The following CRIM1 variants were observed in gnomAD, a reference collection of about 807,000 sequenced individuals.
CRIM1 encodes cysteine-rich motor neuron 1 protein.
Under a neutral mutation model 116.4 loss-of-function variants are expected in CRIM1, and 32 were observed. That is an observed-to-expected ratio of 0.27 (90% confidence interval 0.21 to 0.37). The LOEUF (loss-of-function observed/expected upper bound fraction) is 0.37, where lower values mean the gene tolerates loss of function less well. Ranked by LOEUF, CRIM1 falls within the 10% of genes least tolerant of loss-of-function variation. CRIM1 has a pLI of 1.00. For synonymous variants in CRIM1, 590 were observed against 509.2 expected (o/e 1.16, Z -2.13); for missense variants, 1,331 against 1,354.8 (o/e 0.98, Z 0.28).
intron 4 of CRIM1, among the ~76,000 whole-genome samples, chr2:36,453,159 G>A (rs544490166): frequency 6.6e-6 from 1 of 152,286 alleles, no homozygotes; most frequent in Admixed American, 6.5e-5. Context: ...CCCCATCATT[G>A]TAGTTGCAAC....
intron 13 of CRIM1, chr2:36,529,011 C>T: frequency 4.9e-6 from 2 of 409,796 alleles, no homozygotes; most frequent in Middle Eastern, 7.2e-4. Context: ...GGAAAAACCC[C>T]TAAGCTGCAT....
At chr2:36,378,391 T>G (rs993941113) in intron 1 of CRIM1, 3 of 471,066 alleles carry the variant, frequency 6.4e-6, no homozygotes, top group Non-Finnish European at 8.8e-6. Context: ...GCTCTCAGCA[T>G]TACTGCTCAT....
chr2:36,368,481 G>T (rs1484311151), intron 1 of CRIM1, among the ~76,000 whole-genome samples: 1 of 152,214 alleles, frequency 6.6e-6, no homozygotes, highest in Non-Finnish European at 1.5e-5. Context: ...TGAACCTGCG[G>T]CTCTAAAACT....
intron 7 of CRIM1, among the ~76,000 whole-genome samples, chr2:36,489,695 T>C (rs372396775): frequency 6.6e-6 from 1 of 152,236 alleles, no homozygotes; most frequent in Non-Finnish European, 1.5e-5. Context: ...CTTCTGTGTC[T>C]TTCAACTTGA....
intron 14 of CRIM1, among the ~76,000 whole-genome samples, chr2:36,541,723 C>CGTGT (rs1666955842): frequency 6.6e-6 from 1 of 152,148 alleles, no homozygotes. Flanking sequence ...CGATTGTGAC[C>CGTGT]GTGTGCCCGT....
chr2:36,486,994 A>G (rs1679869310), intron 7 of CRIM1, among the ~76,000 whole-genome samples: 1 of 152,214 alleles, frequency 6.6e-6, no homozygotes, highest in Non-Finnish European at 1.5e-5. Flanking sequence ...TTAAAAAGAA[A>G]AGATTCCATC....
chr2:36,539,847 A>C (rs184235787), intron 14 of CRIM1, among the ~76,000 whole-genome samples: 1 of 152,274 alleles, frequency 6.6e-6, no homozygotes, highest in African/African-American at 2.4e-5. Flanking sequence ...CAAATATCTA[A>C]TCTGGGCTTC....
At position 36,499,352 on chromosome 2, in the gene CRIM1, G is replaced by A; in HGVS notation, c.1501+5G>A. 6.2e-7 allele frequency: 1 copy of A among 1,613,668 alleles called. No homozygotes were observed. Among genetic ancestry groups the A allele is most frequent in the Non-Finnish European group, 8.5e-7 (1 of 1,179,736 alleles). ...GGACCTGTCAGTGCATAAACAGTGA[G>A]TAGACAGAAGACTGTATGTTTTTTC... On this transcript the variant is annotated splice_donor_5th_base_variant and intron_variant, in intron 8 of 16. Transcript: ENST00000280527.
chr2:36,480,672 G>C (rs1404945497), intron 7 of CRIM1, among the ~76,000 whole-genome samples: 2 of 152,160 alleles, frequency 1.3e-5, no homozygotes, highest in Non-Finnish European at 2.9e-5. Flanking sequence ...ATCAGCCTCT[G>C]AGGGGCTAGA....
At chr2:36,397,886 G>C (rs1315202502) in intron 2 of CRIM1, among the ~76,000 whole-genome samples, 2 of 152,170 alleles carry the variant, frequency 1.3e-5, no homozygotes, top group Admixed American at 6.5e-5. Context: ...TCCAGTCCTT[G>C]AACTTGAACA....
At chr2:36,521,588 G>A (rs559437366) in intron 12 of CRIM1, among the ~76,000 whole-genome samples, 13 of 152,324 alleles carry the variant, frequency 8.5e-5, no homozygotes, top group Admixed American at 4.6e-4. Flanking sequence ...TGTCACAGCC[G>A]TGATCAACGC....
At chr2:36,467,725 G>C (rs1558336271) in intron 5 of CRIM1, among the ~76,000 whole-genome samples, 1 of 152,218 alleles carries the variant, frequency 6.6e-6, no homozygotes, top group African/African-American at 2.4e-5. Context: ...CAGTCCATCA[G>C]TGCCTATGCA....
intron 14 of CRIM1, among the ~76,000 whole-genome samples, chr2:36,542,841 A>G (rs908731699): frequency 1.3e-5 from 2 of 152,162 alleles, no homozygotes; most frequent in African/African-American, 2.4e-5. Flanking sequence ...ATCCCCCTGC[A>G]CACACCTCCC....
At chr2:36,473,537 A>G (rs1335279082) in intron 5 of CRIM1, among the ~76,000 whole-genome samples, 1 of 152,152 alleles carries the variant, frequency 6.6e-6, no homozygotes, top group East Asian at 1.9e-4. Flanking sequence ...CTAAGCTCTC[A>G]GATCTAGGCA....
intron 2 of CRIM1, among the ~76,000 whole-genome samples, chr2:36,437,733 T>C (rs535983546): frequency 2.6e-5 from 4 of 152,194 alleles, no homozygotes; most frequent in Non-Finnish European, 5.9e-5. Context: ...CTATTCCACT[T>C]TTATTACAAA....
intron 9 of CRIM1, among the ~76,000 whole-genome samples, chr2:36,511,918 T>G (rs1183296968): frequency 6.6e-5 from 10 of 152,150 alleles, no homozygotes; most frequent in Admixed American, 6.5e-4. Flanking sequence ...AACAAATGAG[T>G]ACACAGATAA....
At chr2:36,386,756 A>G (rs1558525672) in intron 1 of CRIM1, among the ~76,000 whole-genome samples, 1 of 152,252 alleles carries the variant, frequency 6.6e-6, no homozygotes, top group Non-Finnish European at 1.5e-5. Flanking sequence ...TAAGTGAAGT[A>G]ATTTTAATAG....
At chr2:36,455,195 G>A (rs1266810001) in intron 4 of CRIM1, among the ~76,000 whole-genome samples, 4 of 152,136 alleles carry the variant, frequency 2.6e-5, no homozygotes, top group Non-Finnish European at 5.9e-5. Flanking sequence ...CTGAGTCACC[G>A]AAGTAGAGGG....
At chr2:36,420,290 G>A (rs1455130797) in intron 2 of CRIM1, among the ~76,000 whole-genome samples, 1 of 152,070 alleles carries the variant, frequency 6.6e-6, no homozygotes, top group Non-Finnish European at 1.5e-5. Flanking sequence ...GATGTCCCCA[G>A]GCATTTTCTA....
Sources: gnomAD v4.1 joint callset for allele counts (sites outside exome capture counted in the v4.1 genomes callset) on GRCh38, gnomAD v4.1.1 for gene constraint, MANE v1.5 for transcripts, NCBI Gene and HGNC (gene_info 2026-07-23, HGNC 2026-07-21) for gene names.